MPPED2: variants seen among roughly 807,000 people sequenced by gnomAD.
The protein encoded by MPPED2 is metallophosphoesterase MPPED2.
A neutral mutation model predicts 33.0 loss-of-function variants in MPPED2; 5 were observed. That is an observed-to-expected ratio of 0.15 (90% CI 0.08 to 0.32). The LOEUF (loss-of-function observed/expected upper bound fraction) is 0.32, where lower values mean the gene tolerates loss of function less well. Ranked by LOEUF, MPPED2 falls within the 10% of genes least tolerant of loss-of-function variation. MPPED2 has a pLI of 1.00. For missense variants in MPPED2, 275 were observed against 372.1 expected (o/e 0.74, Z 2.15); for synonymous variants, 136 against 141.9 (o/e 0.96, Z 0.29).
intron 3 of MPPED2, among the ~76,000 whole-genome samples, chr11:30,502,132 G>T (rs1415984291): frequency 6.6e-6 from 1 of 152,200 alleles, no homozygotes. Flanking sequence ...AAGAAACTGA[G>T]TGCCAGAGAG....
chr11:30,557,938 C>T (rs521069), intron 2 of MPPED2, among the ~76,000 whole-genome samples: 66,006 of 151,938 alleles, frequency 0.43, 14,618 homozygotes, highest in East Asian at 0.66. Flanking sequence ...TGAACTGGAA[C>T]CTAAGGGCCT....
chr11:30,455,423 CCT>C (rs1208017047), intron 4 of MPPED2, among the ~76,000 whole-genome samples: 3 of 152,202 alleles, frequency 2.0e-5, no homozygotes, highest in African/African-American at 2.4e-5. Flanking sequence ...CTTGATCTCT[CCT>C]CTCTTTCTCT....
chr11:30,394,906 T>C (rs1428829862), intron 6 of MPPED2, among the ~76,000 whole-genome samples: 1 of 152,218 alleles, frequency 6.6e-6, no homozygotes, highest in Non-Finnish European at 1.5e-5. Flanking sequence ...ACAACTTACT[T>C]TTTTCTGCAT....
intron 3 of MPPED2, among the ~76,000 whole-genome samples, chr11:30,519,895 C>T (rs559548857): frequency 2.0e-5 from 3 of 152,078 alleles, no homozygotes; most frequent in African/African-American, 4.8e-5. Context: ...GAGTCTCAAA[C>T]GACTAGGGAA....
At chr11:30,509,556 G>T (rs1299072084) in intron 3 of MPPED2, among the ~76,000 whole-genome samples, 1 of 152,140 alleles carries the variant, frequency 6.6e-6, no homozygotes, top group African/African-American at 2.4e-5. Flanking sequence ...GCTTTGCAGA[G>T]GCCACTCTTT....
chr11:30,506,185 C>T (rs1235806607), intron 3 of MPPED2, among the ~76,000 whole-genome samples: 1 of 151,900 alleles, frequency 6.6e-6, no homozygotes, highest in Non-Finnish European at 1.5e-5. Context: ...CTACATGTGC[C>T]CACCACCACC....
chr11:30,405,816 C>T (rs559900590), downstream of MPPED2, among the ~76,000 whole-genome samples: 4 of 152,152 alleles, frequency 2.6e-5, no homozygotes, highest in South Asian at 8.3e-4. Flanking sequence ...TAAAAATCCT[C>T]CACCCAGGGT....
rs76787626 is a variant in MPPED2, at chr11:30,511,477, G to A, written c.311-15956C>T. 2.0e-3 allele frequency among the ~76,000 whole-genome samples: 311 copies of A among 152,342 alleles called. 2 individuals carry two copies. Among genetic ancestry groups the A allele is most frequent in the African/African-American group, 7.2e-3 (298 of 41,582 alleles). ...CCAAGATATGGCAATCCAGGAAGGT[G>A]TCTTTGAGGGGGATAAGTCAATATT... On this transcript the variant is annotated intron_variant, in intron 3 of 6. Transcript: ENST00000358117.
At chr11:30,412,443 T>C (rs1948149771) in intron 6 of MPPED2, among the ~76,000 whole-genome samples, 1 of 152,068 alleles carries the variant, frequency 6.6e-6, no homozygotes, top group Non-Finnish European at 1.5e-5. Flanking sequence ...TAAGATTCTA[T>C]GTTGGTATCA....
intron 2 of MPPED2, among the ~76,000 whole-genome samples, chr11:30,557,894 G>A (rs1956058267): frequency 6.6e-6 from 1 of 152,200 alleles, no homozygotes; most frequent in Non-Finnish European, 1.5e-5. Flanking sequence ...TCAAATGTGA[G>A]AACTCACTAA....
intron 4 of MPPED2, among the ~76,000 whole-genome samples, chr11:30,439,939 T>A (rs888157594): frequency 6.6e-6 from 1 of 152,226 alleles, no homozygotes; most frequent in African/African-American, 2.4e-5. Flanking sequence ...ACAGGCAGAA[T>A]TAGCAGTAAT....
intron 3 of MPPED2, among the ~76,000 whole-genome samples, chr11:30,534,960 T>A (rs1954732951): frequency 6.6e-6 from 1 of 152,082 alleles, no homozygotes; most frequent in South Asian, 2.1e-4. Flanking sequence ...TACTATTAAA[T>A]GAAAACAGCC....
At chr11:30,534,591 A>G (rs1218461258) in intron 3 of MPPED2, among the ~76,000 whole-genome samples, 6 of 152,218 alleles carry the variant, frequency 3.9e-5, no homozygotes, top group Admixed American at 2.0e-4. Flanking sequence ...TGCCAAGACC[A>G]TGATAAAACT....
chr11:30,558,167 TTTA>T lies in MPPED2; in HGVS notation c.129-21995_129-21993del, dbSNP rs1305494341. Among the ~76,000 whole-genome samples, 5 of 152,060 alleles carry T rather than the reference TTTA, an allele frequency of 3.3e-5. No homozygotes were observed. The East Asian group carries it at 7.7e-4, about 23-fold the overall frequency. ...ACACACGTATATATTTTGTATGTAT[TTTA>T]TTATTATTATTTTACCTATTCTGGT... On this transcript the variant is annotated intron_variant, in intron 2 of 6. Coordinates refer to ENST00000358117, the MANE Select transcript of MPPED2 (RefSeq NM_001584.3).
intron 4 of MPPED2, among the ~76,000 whole-genome samples, chr11:30,466,104 CTT>C (rs1320061254): frequency 6.6e-6 from 1 of 152,232 alleles, no homozygotes; most frequent in Non-Finnish European, 1.5e-5. Flanking sequence ...AGTGCACACT[CTT>C]TGCTCTTAAG....
At chr11:30,386,475 A>T in exon 7 of MPPED2, 2 of 337,270 alleles carry the variant, frequency 5.9e-6, no homozygotes, top group Non-Finnish European at 1.1e-5. Flanking sequence ...ATAAGCTGTA[A>T]GCCTTGGCAG....
chr11:30,477,702 A>C (rs2134099748), intron 4 of MPPED2, among the ~76,000 whole-genome samples: 1 of 152,196 alleles, frequency 6.6e-6, no homozygotes, highest in African/African-American at 2.4e-5. Flanking sequence ...AGGTTTTGGT[A>C]TTAATGTCAT....
chr11:30,572,000 G>A (rs1956714239), intron 2 of MPPED2, among the ~76,000 whole-genome samples: 1 of 152,170 alleles, frequency 6.6e-6, no homozygotes, highest in Admixed American at 6.5e-5. Context: ...GATTCAGTCT[G>A]TAAGGAGAGG....
At chr11:30,388,976 A>G (rs1258809446) in intron 6 of MPPED2, 2 of 1,544,558 alleles carry the variant, frequency 1.3e-6, no homozygotes, top group Non-Finnish European at 1.7e-6. Flanking sequence ...AGAGAGAGAA[A>G]GAGAGAGGGA....
Sources: allele counts gnomAD v4.1 joint callset (sites outside exome capture counted in the v4.1 genomes callset), GRCh38; gene constraint gnomAD v4.1.1; transcripts MANE v1.5; gene names NCBI Gene and HGNC (gene_info 2026-07-23, HGNC 2026-07-21).